The following STAB1 variants were observed in gnomAD, a reference collection of about 807,000 sequenced individuals.
STAB1 encodes stabilin 1.
A neutral mutation model predicts 332.4 loss-of-function variants in STAB1; 250 were observed. The observed-to-expected ratio is 0.75, with a 90% confidence interval of 0.68 to 0.84. The LOEUF is 0.84. STAB1 is among the 40% of genes least tolerant of loss of function. The probability of loss-of-function intolerance (pLI) is 0.00; values close to 1 mark genes in which losing one functional copy is unlikely to be tolerated. For missense variants in STAB1, 3,249 were observed against 3,489.7 expected, an observed-to-expected ratio of 0.93 and a Z score of 1.74; for synonymous variants, 1,475 against 1,390.4, an observed-to-expected ratio of 1.06 and a Z score of -1.35.
Position 52,523,756 on chromosome 3 carries a change from C to CGTGA in STAB1, c.7395+3_7395+6dup. The CGTGA allele has an allele frequency of 1.3e-6, 2 of 1,597,166 alleles. No homozygotes were observed. Among genetic ancestry groups the CGTGA allele is most frequent in the South Asian group, 1.1e-5 (1 of 90,630 alleles). ...GCCCCCTCCTGGCACCCCCACAGCC[C>CGTGA]GTGAGTTGAGGAAGGGGGAGGCAGA... On this transcript the variant is annotated frameshift_variant and splice_region_variant. Coordinates refer to ENST00000321725, the MANE Select transcript of STAB1 (RefSeq NM_015136.3). LOFTEE classifies it high-confidence loss of function.
At chr3:52,506,375 A>C (rs1328213078) in intron 17 of STAB1, 125 bp downstream of exon 17, 1 of 895,382 alleles carries the variant, frequency 1.1e-6, no homozygotes, top group African/African-American at 1.7e-5. Context: ...TGGCGGGCTC[A>C]TGGGGAAGGA....
rs2079077312 is a variant in STAB1 at position 52,521,693 on chromosome 3, G to A, written c.6156G>A (p.Val2052=). The A allele has an allele frequency of 1.2e-6, 2 of 1,612,700 alleles. No homozygotes were observed. The highest frequency in any genetic ancestry group is 1.7e-5 in the Admixed American group (1 of 59,930). The change falls in exon 57 of 69, where the codon GTG becomes GTA. Residue 2052 remains valine (V), a synonymous_variant. Coordinates refer to ENST00000321725, the MANE Select transcript of STAB1 (RefSeq NM_015136.3). ...GCTGGACTGGGCCACGCTGTGAGGT[G>A]CAACTGGGTGAGTAGCCCCGTGCTC... ...DEGWTGPRCE[V]QLELQPVCTP...
intron 50 of STAB1, 30 bp downstream of exon 50, chr3:52,519,594 G>A (rs369434222): frequency 6.3e-7 from 1 of 1,595,240 alleles, no homozygotes; most frequent in African/African-American, 1.4e-5. Flanking sequence ...CTGTCATTGT[G>A]GACACACATG....
At chr3:52,515,660 G>T (rs6786245) in intron 37 of STAB1, among the ~76,000 whole-genome samples, 154 bp downstream of exon 37, 10 of 152,176 alleles carry the variant, frequency 6.6e-5, no homozygotes, top group African/African-American at 1.9e-4. Context: ...TGGGAGAGAG[G>T]TCTGAAGTCA....
intron 1 of STAB1, among the ~76,000 whole-genome samples, chr3:52,500,601 T>C (rs1168863562): frequency 6.6e-6 from 1 of 152,254 alleles, no homozygotes; most frequent in Non-Finnish European, 1.5e-5. Context: ...CCACGGTGCA[T>C]GGCTGGAGCC....
At position 52,516,196 on chromosome 3, in the gene STAB1, G is replaced by A. The variant is rs200388203; in HGVS notation, c.4102G>A (p.Glu1368Lys). 1 of 1,612,620 alleles carries A rather than the reference G, an allele frequency of 6.2e-7. No individual in the cohort carries two copies. The highest frequency in any genetic ancestry group is 2.2e-5 in the East Asian group (1 of 44,876). Reference protein sequence around the residue: ...CHEGFHGTACEVCELGRYGPN... With the variant: ...CHEGFHGTACKVCELGRYGPN... ...CGAGGGCTTCCATGGAACGGCCTGT[G>A]AGGTGTGTGAGCTGGGCCGCTACGG... Residue 1368 changes from glutamate to lysine, a missense_variant, in exon 38 of 69, where the codon GAG becomes AAG. Coordinates refer to ENST00000321725, the MANE Select transcript of STAB1 (RefSeq NM_015136.3).
At chr3:52,513,401 C>T (rs1709438460) in intron 30 of STAB1, among the ~76,000 whole-genome samples, 160 bp downstream of exon 30, 1 of 152,204 alleles carries the variant, frequency 6.6e-6, no homozygotes, top group African/African-American at 2.4e-5. Flanking sequence ...GGACGCATTG[C>T]TGATGGACAC....
intron 22 of STAB1, 26 bp downstream of exon 22, chr3:52,509,347 T>C (rs774675008): frequency 2.5e-6 from 4 of 1,602,802 alleles, no homozygotes; most frequent in Middle Eastern, 1.7e-4. Context: ...TCAGGCCACC[T>C]CCTAGGGAGA....
In STAB1 at chr3:52,512,402, G is replaced by T; in HGVS notation, c.2945G>T (p.Gly982Val). 1 of 1,610,544 alleles carries T rather than the reference G, an allele frequency of 6.2e-7. No individual in the cohort carries two copies. The highest frequency in any genetic ancestry group is 8.5e-7 in the Non-Finnish European group (1 of 1,178,944). Residue 982 changes from glycine to valine, a missense_variant, in exon 27 of 69, where the codon GGT becomes GTT. By Grantham distance (109) the Gly-to-Val change is moderately radical (BLOSUM62 -3). Transcript: ENST00000321725. ...RVCTCPPGFG[G>V]DGFSCYGDIF... The stretch of plus-strand genomic sequence containing the variant: ...TGCACGTGCCCCCCTGGCTTTGGGG[G>T]TGATGGCTTCAGCTGTTATGGAGAC...
intron 48 of STAB1, 42 bp downstream of exon 48, chr3:52,518,911 C>CCCCGCCCCGTCCCGT: frequency 6.9e-7 from 1 of 1,459,120 alleles, no homozygotes; most frequent in Non-Finnish European, 9.1e-7. Context: ...TCCCGCCCCG[C>CCCCGCCCCGTCCCGT]CCCGCCCCTG....
At chr3:52,510,583 G>A in intron 25 of STAB1, 76 bp downstream of exon 25, 1 of 1,521,334 alleles carries the variant, frequency 6.6e-7, no homozygotes, top group Non-Finnish European at 8.8e-7. Flanking sequence ...CTCCTGGAAT[G>A]CAGAGTCAGG....
In STAB1 at chr3:52,517,992, C is replaced by G. The variant is rs569615761; in HGVS notation, c.4750C>G (p.Arg1584Gly). The G allele has an allele frequency of 6.2e-7, 1 of 1,604,096 alleles. No individual in the cohort carries two copies. Among genetic ancestry groups the G allele is most frequent in the African/African-American group, 1.3e-5 (1 of 74,484 alleles). ...GGGGGACGGCCTCACCTGCCGTGCCCGAGTCGGCCTGGTAATGATGCCCAA... is the reference window on the plus strand; with the variant it reads ...GGGGGACGGCCTCACCTGCCGTGCCGGAGTCGGCCTGGTAATGATGCCCAA... The part of the protein sequence containing the change: ...TVGDGLTCRA[R>G]VGLELLRDKH... Residue 1584 changes from arginine (R) to glycine (G), a missense_variant, in exon 45 of 69, where the codon CGA (arginine) becomes GGA (glycine). Transcript: ENST00000321725.
chr3:52,521,743 C>T (rs2079079194), intron 57 of STAB1, 43 bp downstream of exon 57: 1 of 1,609,002 alleles, frequency 6.2e-7, no homozygotes, highest in African/African-American at 1.3e-5. Flanking sequence ...CACTTGTGTA[C>T]ATGTGCACAC....
Position 52,508,369 on chromosome 3 carries a change from A to G in STAB1, c.2235+10A>G. On this transcript the variant is annotated intron_variant, in intron 21 of 68. Coordinates refer to ENST00000321725, the MANE Select transcript of STAB1 (RefSeq NM_015136.3). ...CTATGGCAAAGGCAATGTGAGTCCC[A>G]TCCTCTCCTGGGGTGAGGTATGGGG... The G allele has an allele frequency of 6.2e-7, 1 of 1,613,350 alleles. No homozygotes were observed. Among genetic ancestry groups the G allele is most frequent in the Non-Finnish European group, 8.5e-7 (1 of 1,179,882 alleles).
intron 11 of STAB1, 23 bp from the exon 12 acceptor site, chr3:52,504,716 T>G: frequency 1.2e-6 from 2 of 1,613,546 alleles, no homozygotes. Flanking sequence ...CGGCTCACTT[T>G]GCTCCCCGCC....
chr3:52,508,142 C>G (rs922997095), intron 20 of STAB1, 116 bp downstream of exon 20: 2 of 1,362,498 alleles, frequency 1.5e-6, no homozygotes, highest in Non-Finnish European at 2.0e-6. Flanking sequence ...TGCAGCCTGA[C>G]GGTGGAAAAG....
rs774291979 is a variant in STAB1 at position 52,502,215 on chromosome 3, T to C, written c.474T>C (p.Pro158=). Residue 158 remains proline, a synonymous_variant, in exon 5 of 69, where the codon CCT becomes CCC. Transcript: ENST00000321725. ...GCCAAGACCCCAACCGGTTCGGGCC[T>C]GACTGCCAATCGGGTGAGTGCTTAA... The part of the protein sequence containing the change: ...QECQDPNRFG[P]DCQSVCSCVH... 64 of 1,612,300 alleles carry C rather than the reference T, an allele frequency of 4.0e-5. No individual in the cohort carries two copies. In the Middle Eastern group the frequency reaches 6.8e-4, roughly 17 times the overall value.
chr3:52,516,211 G>A lies in STAB1; in HGVS notation c.4117G>A (p.Gly1373Ser). 1 of 1,612,350 alleles carries A rather than the reference G, an allele frequency of 6.2e-7. No individual in the cohort carries two copies. Among genetic ancestry groups the A allele is most frequent in the African/African-American group, 1.3e-5 (1 of 75,002 alleles). ...HGTACEVCEL[G>S]RYGPNCTGVC... ...AACGGCCTGTGAGGTGTGTGAGCTG[G>A]GCCGCTACGGGCCCAACTGCACCGG... Residue 1373 changes from glycine to serine, a missense_variant, in exon 38 of 69, where the codon GGC becomes AGC. By Grantham distance (56) the Gly-to-Ser change is moderately conservative. Coordinates refer to ENST00000321725, the MANE Select transcript of STAB1 (RefSeq NM_015136.3).
Position 52,507,635 on chromosome 3 carries a change from C to G in STAB1, c.2012C>G (p.Ala671Gly). Residue 671 changes from alanine to glycine, a missense_variant, in exon 19 of 69, where the codon GCC becomes GGC. By Grantham distance (60) the Ala-to-Gly change is moderately conservative. Coordinates refer to ENST00000321725, the MANE Select transcript of STAB1 (RefSeq NM_015136.3). ...CAGGGCTCCTGTGTGGACTGCCAAGCCCTGAACACCAGCACGTGTCCCCCC... is the reference window on the plus strand; with the variant it reads ...CAGGGCTCCTGTGTGGACTGCCAAGGCCTGAACACCAGCACGTGTCCCCCC... Reference protein sequence around the residue: ...IVAGSCVDCQALNTSTCPPNS... With the variant: ...IVAGSCVDCQGLNTSTCPPNS... 6.2e-7 allele frequency: 1 copy of G among 1,613,678 alleles called. No homozygotes were observed. Among genetic ancestry groups the G allele is most frequent in the Non-Finnish European group, 8.5e-7 (1 of 1,180,008 alleles).
Sources: gnomAD v4.1 joint callset for allele counts (sites outside exome capture counted in the v4.1 genomes callset) on GRCh38, gnomAD v4.1.1 for gene constraint, MANE v1.5 for transcripts, NCBI Gene and HGNC (gene_info 2026-07-23, HGNC 2026-07-21) for gene names.